Variants in GGA3 observed in about 807,000 individuals in gnomAD.
GGA3 encodes the protein ADP-ribosylation factor-binding protein GGA3.
A neutral mutation model predicts 77.5 loss-of-function variants in GGA3; 57 were observed. The ratio of observed to expected loss-of-function variants is 0.74; its 90% CI spans 0.59 to 0.92. The LOEUF is 0.92. Among genes scored for constraint, GGA3 ranks in the 40% least tolerant of loss-of-function variants. GGA3 has a pLI of 0.00. For missense variants in GGA3, 970 were observed against 914.9 expected (o/e 1.06, Z -0.78); for synonymous variants, 416 against 383.7 (o/e 1.08, Z -0.98).
In GGA3 at chr17:75,238,395, A is replaced by G. The variant is rs1281933386; in HGVS notation, c.2062-6T>C. Reference sequence around the variant, plus strand: ...TACCGAAGCCGCACCTTCTCCTGTGACAGAGGGCAGCAAGTGAGATCCAGC... The same window carrying G: ...TACCGAAGCCGCACCTTCTCCTGTGGCAGAGGGCAGCAAGTGAGATCCAGC... On this transcript the variant is annotated splice_polypyrimidine_tract_variant and splice_region_variant and intron_variant, in intron 16 of 16. Transcript: ENST00000537686. The G allele has an allele frequency of 6.2e-7, 1 of 1,612,500 alleles. No homozygotes were observed. The highest frequency in any genetic ancestry group is 8.5e-7 in the Non-Finnish European group (1 of 1,179,234).
At chr17:75,249,836 T>G (rs1181767274) in intron 1 of GGA3, among the ~76,000 whole-genome samples, 2 of 152,194 alleles carry the variant, frequency 1.3e-5, no homozygotes, top group Non-Finnish European at 2.9e-5. Flanking sequence ...ATACGTTATC[T>G]TCTTCCCAAG....
At position 75,246,595 on chromosome 17, in the gene GGA3, A is replaced by C; in HGVS notation, c.126-11T>G. ...ACGGCGATCTGTGGCCTGGGGGACAAGCAGAACACACTCCAGTGCACTAAG... is the reference window on the plus strand; with the variant it reads ...ACGGCGATCTGTGGCCTGGGGGACACGCAGAACACACTCCAGTGCACTAAG... On this transcript the variant is annotated splice_polypyrimidine_tract_variant and intron_variant, in intron 2 of 16. Coordinates refer to ENST00000537686, the MANE Select transcript of GGA3 (RefSeq NM_138619.4). 6.2e-7 allele frequency: 1 copy of C among 1,612,626 alleles called. No homozygotes were observed. Among genetic ancestry groups the C allele is most frequent in the Non-Finnish European group, 8.5e-7 (1 of 1,178,686 alleles).
chr17:75,238,638 T>C lies in GGA3; in HGVS notation c.2061+14A>G, dbSNP rs974511308. ...GGGCCTCAGGCTGGGACCCCTGGGT[T>C]CTTTGCTGCTCACCTTCAGTGGATT... On this transcript the variant is annotated intron_variant, in intron 16 of 16. Transcript: ENST00000537686. 6.3e-7 allele frequency: 1 copy of C among 1,586,902 alleles called. No homozygotes were observed. The highest frequency in any genetic ancestry group is 8.6e-7 in the Non-Finnish European group (1 of 1,158,342).
intron 12 of GGA3, 77 bp from the exon 13 acceptor site, chr17:75,240,185 A>T: frequency 1.5e-6 from 2 of 1,301,228 alleles, no homozygotes; most frequent in Non-Finnish European, 2.2e-6. Flanking sequence ...CAGCCCTCCA[A>T]GGACTGCACG....
Position 75,242,842 on chromosome 17 carries a change from T to C in GGA3, c.598A>G (p.Met200Val). 1.9e-6 allele frequency: 3 copies of C among 1,613,506 alleles called. No individual in the cohort carries two copies. The highest frequency in any genetic ancestry group is 2.5e-6 in the Non-Finnish European group (3 of 1,179,408). ...CGGGGCCCACTCACTTCCTTCACCATGGACTTGATGAGCTTGTTGGCCTCC... is the reference window on the plus strand; with the variant it reads ...CGGGGCCCACTCACTTCCTTCACCACGGACTTGATGAGCTTGTTGGCCTCC... ...LQEANKLIKS[M>V]VKEDEARIQK... is the part of the protein sequence containing the mutation. The change falls in exon 7 of 17, where the codon ATG becomes GTG. Residue 200 changes from methionine to valine, a missense_variant. Transcript: ENST00000537686.
chr17:75,258,257 A>C (rs1003233867), intron 1 of GGA3, among the ~76,000 whole-genome samples: 1 of 152,218 alleles, frequency 6.6e-6, no homozygotes, highest in Admixed American at 6.5e-5. Context: ...CCTGTTTGGT[A>C]GTCTCTTCAC....
chr17:75,243,679 T>TG, intron 4 of GGA3, 109 bp from the exon 5 acceptor site: 1 of 1,089,494 alleles, frequency 9.2e-7, no homozygotes, highest in South Asian at 1.5e-5. Flanking sequence ...ATGGTCCTAC[T>TG]CAAAATCTGC....
Position 75,239,489 on chromosome 17 carries a change from C to T in GGA3, c.1666G>A (p.Gly556Arg). 1 of 1,578,530 alleles carries T rather than the reference C, an allele frequency of 6.3e-7. No individual in the cohort carries two copies. The highest frequency in any genetic ancestry group is 8.6e-7 in the Non-Finnish European group (1 of 1,168,944). Residue 556 changes from glycine to arginine, a missense_variant, in exon 14 of 17, where the codon GGG (glycine) becomes AGG (arginine). Coordinates refer to ENST00000537686, the MANE Select transcript of GGA3 (RefSeq NM_138619.4). ...PARPLLPFSTGPGSPLFQPLS... is the reference protein window; with the variant it reads ...PARPLLPFSTRPGSPLFQPLS... ...GGCTGGAAGAGCGGGCTGCCGGGCC[C>T]CGTGGAGAAGGGCAGGAGGGGCCTG...
chr17:75,261,477 G>T lies in GGA3; in HGVS notation c.40+71C>A, dbSNP rs1359165557. On this transcript the variant is annotated intron_variant, in intron 1 of 16. Transcript: ENST00000537686. Reference sequence around the variant, plus strand: ...GAGGCGACGCCGTGGAGCCCGGGGAGGGGACGTGGGGGTGAAGACAGGGGC... The same window carrying T: ...GAGGCGACGCCGTGGAGCCCGGGGATGGGACGTGGGGGTGAAGACAGGGGC... 9 of 1,237,326 alleles carry T rather than the reference G, an allele frequency of 7.3e-6. No individual in the cohort carries two copies. The South Asian group carries it at 1.5e-4, about 21-fold the overall frequency. The allele number at this position is 1,237,326 out of a possible 1,614,324, so 76.6% of individuals were successfully genotyped here. A position where few individuals can be genotyped will look rare whatever the true frequency, so the allele number is the denominator to read the frequency against.
At chr17:75,241,183 C>A in intron 10 of GGA3, 126 bp from the exon 11 acceptor site, 1 of 1,157,604 alleles carries the variant, frequency 8.6e-7, no homozygotes. Context: ...GGCATCTCTG[C>A]CAGGGGATGC....
intron 7 of GGA3, 115 bp from the exon 8 acceptor site, chr17:75,242,588 G>T: frequency 1.6e-6 from 2 of 1,259,618 alleles, no homozygotes; most frequent in Non-Finnish European, 2.3e-6. Flanking sequence ...GCTCCTTTCA[G>T]TGTGGGGTGC....
intron 1 of GGA3, among the ~76,000 whole-genome samples, chr17:75,253,559 TTC>T (rs1323421134): frequency 1.3e-5 from 2 of 150,528 alleles, no homozygotes; most frequent in African/African-American, 4.9e-5. Context: ...TCTCTACCCC[TTC>T]TCTGCATTTC....
Position 75,237,222 on chromosome 17 carries a change from C to T in GGA3, c.*1057G>A, listed in dbSNP as rs1351329565. 2 of 590,304 alleles carry T rather than the reference C, an allele frequency of 3.4e-6. No individual in the cohort carries two copies. Among genetic ancestry groups the T allele is most frequent in the Non-Finnish European group, 6.1e-6 (2 of 330,012 alleles). 36.6% of individuals were successfully genotyped at this position (590,304 alleles called of 1,614,324 possible). ...GCTCAAGTGTGGCCCGATCTCATCA[C>T]CTCCAGACCCAACATCTCGCTGACA... On this transcript the variant is annotated 3_prime_UTR_variant, in exon 17 of 17. Coordinates refer to ENST00000537686, the MANE Select transcript of GGA3 (RefSeq NM_138619.4).
chr17:75,238,133 T>G lies in GGA3; in HGVS notation c.*146A>C. ...AGAGGTTATCACAGCAGCAGTTTGG[T>G]TCTCAGCAGAAATGCCCAGGGCCCC... On this transcript the variant is annotated 3_prime_UTR_variant, in exon 17 of 17. Transcript: ENST00000537686. The G allele has an allele frequency of 7.0e-7, 1 of 1,435,488 alleles. No individual in the cohort carries two copies. The highest frequency in any genetic ancestry group is 9.1e-7 in the Non-Finnish European group (1 of 1,097,646). 88.9% of individuals were successfully genotyped at this position (1,435,488 alleles called of 1,614,324 possible). A position where few individuals can be genotyped will look rare whatever the true frequency, so the allele number is the denominator to read the frequency against.
chr17:75,261,857 G>T, upstream of GGA3: 4 of 1,585,900 alleles, frequency 2.5e-6, no homozygotes, highest in Non-Finnish European at 2.6e-6. Context: ...ACTCGCTCAG[G>T]CGCGCCGAGG....
chr17:75,256,652 A>G (rs1598448254), intron 1 of GGA3, among the ~76,000 whole-genome samples: 1 of 152,010 alleles, frequency 6.6e-6, no homozygotes. Context: ...TTTCCTTTCC[A>G]TTGTGGAAAT....
intron 11 of GGA3, 43 bp from the exon 12 acceptor site, chr17:75,240,455 T>A: frequency 7.6e-7 from 1 of 1,311,356 alleles, no homozygotes; most frequent in Non-Finnish European, 1.1e-6. Context: ...GGCTCTGAGC[T>A]AGGCAGCCCT....
chr17:75,240,736 A>C, intron 11 of GGA3, 76 bp downstream of exon 11: 1 of 1,483,028 alleles, frequency 6.7e-7, no homozygotes, highest in African/African-American at 1.4e-5. Context: ...GGCCCCGCTC[A>C]GGGCTCCTAA....
chr17:75,241,332 C>T (rs899476542), intron 10 of GGA3, 68 bp downstream of exon 10: 7 of 1,037,772 alleles, frequency 6.7e-6, no homozygotes, highest in Admixed American at 5.4e-5. Context: ...AGCCTACACC[C>T]GCAGCTTCAT....
Sources: allele counts gnomAD v4.1 joint callset (sites outside exome capture counted in the v4.1 genomes callset), GRCh38; gene constraint gnomAD v4.1.1; transcripts MANE v1.5; gene names NCBI Gene and HGNC (gene_info 2026-07-23, HGNC 2026-07-21).